Variants in MCF2L observed in about 807,000 individuals in gnomAD.
MCF2L encodes MCF.2 cell line derived transforming sequence like, also known as guanine nucleotide exchange factor DBS.
A neutral mutation model predicts 153.4 loss-of-function variants in MCF2L; 97 were observed. The ratio of observed to expected loss-of-function variants is 0.63; its 90% confidence interval spans 0.54 to 0.75. The LOEUF is 0.75. Among genes scored for constraint, MCF2L ranks in the 30% least tolerant of loss-of-function variants. MCF2L has a pLI of 0.00. For missense variants in MCF2L, 1,347 were observed against 1,495.2 expected, an observed-to-expected ratio of 0.90 and a Z score of 1.64; for synonymous variants, 659 against 632.2, an observed-to-expected ratio of 1.04 and a Z score of -0.64.
chr13:113,005,356 G>T (rs1009936131), intron 1 of MCF2L, among the ~76,000 whole-genome samples: 6 of 152,210 alleles, frequency 3.9e-5, no homozygotes, highest in Admixed American at 1.3e-4. Context: ...GGGGAAGCCT[G>T]GGGAGATGCT....
At chr13:112,997,744 G>A (rs2083199181) in intron 1 of MCF2L, among the ~76,000 whole-genome samples, 6 of 152,248 alleles carry the variant, frequency 3.9e-5, no homozygotes, top group Admixed American at 3.9e-4. Context: ...ACAGCTCCTT[G>A]GGGTGGGAAG....
chr13:112,973,537 CCTT>C (rs745874994), intron 1 of MCF2L, among the ~76,000 whole-genome samples: 1 of 152,206 alleles, frequency 6.6e-6, no homozygotes, highest in African/African-American at 2.4e-5. Context: ...GTGTTGCTGA[CCTT>C]CTGTGATCTG....
In MCF2L at chr13:112,969,267, T is replaced by G. The variant is rs1343924564; in HGVS notation, c.-113T>G. ...CGGCTGGAGGCTGAAAGCGCTGCCG[T>G]GGCCCCCTCCCCGCCTCCGCCGCGC... On this transcript the variant is annotated 5_prime_UTR_variant, in exon 1 of 30. Coordinates refer to ENST00000535094, the MANE Select transcript of MCF2L (RefSeq NM_001112732.3). This position sits in a 1 kb window ranked among gnomAD's most constrained non-coding sequence, Gnocchi z 4.8. 5.4e-6 allele frequency: 8 copies of G among 1,472,620 alleles called. No homozygotes were observed. In the East Asian group the frequency reaches 1.8e-4, roughly 34 times the overall value. The allele number at this position is 1,472,620 out of a possible 1,614,324, so 91.2% of individuals were successfully genotyped here. A position where few individuals can be genotyped will look rare whatever the true frequency, so the allele number is the denominator to read the frequency against.
At chr13:112,961,793 C>T (rs931265611) in intron 2 of MCF2L, among the ~76,000 whole-genome samples, 1 of 152,202 alleles carries the variant, frequency 6.6e-6, no homozygotes, top group African/African-American at 2.4e-5. Flanking sequence ...GAGTCCTCGC[C>T]CCAGCCCAGG....
At chr13:112,970,334 C>G (rs1464638828) in intron 1 of MCF2L, among the ~76,000 whole-genome samples, 1 of 152,086 alleles carries the variant, frequency 6.6e-6, no homozygotes, top group African/African-American at 2.4e-5. Context: ...CTTTCTCTGC[C>G]CACCCCGATG....
rs1454202699 is a variant in MCF2L at position 113,096,711 on chromosome 13, G to T, written c.3292+58G>T. On this transcript the variant is annotated intron_variant, in intron 29 of 29. Transcript: ENST00000535094. ...CGCTGCCAAGGGCCCGGGCGAGGAAGCTGCCCCGTGTGTGCCCGGCAGAGC... is the reference window on the plus strand; with the variant it reads ...CGCTGCCAAGGGCCCGGGCGAGGAATCTGCCCCGTGTGTGCCCGGCAGAGC... 3.2e-6 allele frequency: 5 copies of T among 1,553,986 alleles called. No individual in the cohort carries two copies. In the South Asian group the frequency reaches 5.8e-5, roughly 18 times the overall value.
chr13:113,005,345 T>C (rs1164655304), intron 1 of MCF2L, among the ~76,000 whole-genome samples: 1 of 151,842 alleles, frequency 6.6e-6, no homozygotes, highest in Non-Finnish European at 1.5e-5. Context: ...GGGGCTGGGG[T>C]GGGGAAGCCT....
intron 2 of MCF2L, among the ~76,000 whole-genome samples, chr13:112,959,946 T>C (rs2140748518): frequency 6.6e-6 from 1 of 152,360 alleles, no homozygotes; most frequent in South Asian, 2.1e-4. Flanking sequence ...GTGCTGTCTG[T>C]GACGGCAGCA....
chr13:113,006,424 G>T (rs572796538), intron 1 of MCF2L, among the ~76,000 whole-genome samples: 38 of 152,324 alleles, frequency 2.5e-4, no homozygotes, highest in African/African-American at 9.1e-4. Flanking sequence ...TGCCTTTCTG[G>T]CCTGATCCTC....
At position 113,088,530 on chromosome 13, in the gene MCF2L, G is replaced by A. The variant is rs185257958; in HGVS notation, c.2768-32G>A. The A allele has an allele frequency of 2.0e-4, 322 of 1,611,300 alleles. No individual in the cohort carries two copies. The African/African-American group carries it at 2.9e-3, about 15-fold the overall frequency. On this transcript the variant is annotated intron_variant, in intron 24 of 29. Coordinates refer to ENST00000535094, the MANE Select transcript of MCF2L (RefSeq NM_001112732.3). ...CCTCGGCGTTGAAGTAAAGACGCTC[G>A]TTCACGTGGTTTGTCTGCTCCCTCC...
Position 113,039,092 on chromosome 13 carries a change from C to T in MCF2L, c.279-6179C>T, listed in dbSNP as rs549538982. 7.7e-4 allele frequency among the ~76,000 whole-genome samples: 117 copies of T among 152,270 alleles called. 1 individual carries two copies. Among genetic ancestry groups the T allele is most frequent in the Middle Eastern group, 3.4e-3 (1 of 294 alleles). On this transcript the variant is annotated intron_variant, in intron 3 of 29. Coordinates refer to ENST00000535094, the MANE Select transcript of MCF2L (RefSeq NM_001112732.3). ...GCCTGGATGGTCTCGATCTCCTGAC[C>T]TCATGATCCGCCCTCCTCAGCCTCC... is the stretch of plus-strand genomic sequence containing the variant.
intron 2 of MCF2L, among the ~76,000 whole-genome samples, chr13:112,902,835 G>A (rs891576705): frequency 1.4e-4 from 21 of 152,320 alleles, no homozygotes; most frequent in Non-Finnish European, 1.8e-4. Flanking sequence ...CTGCCTGGGC[G>A]TCTGGAATTG....
In MCF2L at chr13:113,054,545, T is replaced by C; in HGVS notation, c.370-6048T>C. 1 of 155,810 alleles carries C rather than the reference T, an allele frequency of 6.4e-6. No individual in the cohort carries two copies. The allele number at this position is 155,810 out of a possible 1,614,324, so 9.7% of individuals were successfully genotyped here. On this transcript the variant is annotated intron_variant, in intron 4 of 29. Coordinates refer to ENST00000535094, the MANE Select transcript of MCF2L (RefSeq NM_001112732.3). The surrounding 1 kb of genome is among the most constrained non-coding windows in gnomAD (Gnocchi z 5.2). ...ACAAACAAACTTTCAAATGCATATT[T>C]TTTATATAAACTTGTGTTTACTGTT...
rs1359506648 is a variant in MCF2L, at chr13:112,943,289, C to A, written c.169+40918C>A. The stretch of plus-strand genomic sequence containing the variant: ...CTGTGCTGAGTCCCGACGCTGTGCG[C>A]CCCACTCCCGAGGCTGTGGTTGGGG... On this transcript the variant is annotated intron_variant, in intron 2 of 29. Coordinates refer to the MCF2L transcript ENST00000375608. The surrounding 1 kb of genome is among the most constrained non-coding windows in gnomAD (Gnocchi z 4.2). 6.6e-6 allele frequency among the ~76,000 whole-genome samples: 1 copy of A among 152,126 alleles called. No individual in the cohort carries two copies. The highest frequency in any genetic ancestry group is 2.4e-5 in the African/African-American group (1 of 41,456).
intron 1 of MCF2L, among the ~76,000 whole-genome samples, chr13:112,975,085 G>A (rs932864911): frequency 6.6e-6 from 1 of 152,206 alleles, no homozygotes; most frequent in Non-Finnish European, 1.5e-5. Flanking sequence ...CTACCCTTCG[G>A]ATTAACTCAG....
At chr13:113,011,471 TG>T (rs2084097704) in intron 1 of MCF2L, among the ~76,000 whole-genome samples, 1 of 121,048 alleles carries the variant, frequency 8.3e-6, no homozygotes, top group African/African-American at 3.2e-5. Context: ...GCAGTGCAGA[TG>T]GTGGACAGGC....
rs570479120 is a variant in MCF2L at position 112,904,551 on chromosome 13, C to G, written c.169+2180C>G. On this transcript the variant is annotated intron_variant, in intron 2 of 29. Transcript: ENST00000375608. The surrounding 1 kb of genome is among the most constrained non-coding windows in gnomAD (Gnocchi z 4.2). ...CATCTGACTTCTTCCTCCCCTAACT[C>G]GCAAAACCTCTCTGATCCCTGAGTC... Among the ~76,000 whole-genome samples the G allele has an allele frequency of 6.6e-6, 1 of 152,358 alleles. No individual in the cohort carries two copies. The highest frequency in any genetic ancestry group is 2.4e-5 in the African/African-American group (1 of 41,584).
Position 113,048,732 on chromosome 13 carries a change from G to A in MCF2L, c.369+3371G>A, listed in dbSNP as rs140593808. Among the ~76,000 whole-genome samples the A allele has an allele frequency of 7.0e-3, 1,073 of 152,200 alleles. 10 individuals are homozygous for A. The highest frequency in any genetic ancestry group is 0.011 in the Non-Finnish European group (752 of 68,018). The stretch of plus-strand genomic sequence containing the variant: ...GCTGGGATTACAGGTGTGAGCCACC[G>A]CGCCCGGCTTATGGTCATATTAATA... On this transcript the variant is annotated intron_variant, in intron 4 of 29. Coordinates refer to ENST00000535094, the MANE Select transcript of MCF2L (RefSeq NM_001112732.3).
chr13:113,075,770 C>T (rs1416519368), intron 11 of MCF2L, among the ~76,000 whole-genome samples, 196 bp from the exon 12 acceptor site: 1 of 151,956 alleles, frequency 6.6e-6, no homozygotes, highest in Non-Finnish European at 1.5e-5. Context: ...TTGGCCTTGT[C>T]CAGCACTGTG....
Sources: allele counts gnomAD v4.1 joint callset (sites outside exome capture counted in the v4.1 genomes callset), GRCh38; gene constraint gnomAD v4.1.1; non-coding constraint Gnocchi (gnomAD v3.1); transcripts MANE v1.5; gene names NCBI Gene and HGNC (gene_info 2026-07-23, HGNC 2026-07-21).